Variants in IL1RAPL1 observed in about 807,000 individuals in gnomAD.
The protein encoded by IL1RAPL1 is interleukin-1 receptor accessory protein-like 1.
A neutral mutation model predicts 48.4 loss-of-function variants in IL1RAPL1; 3 were observed. The ratio of observed to expected loss-of-function variants is 0.06; its 90% CI spans 0.03 to 0.16. The LOEUF (loss-of-function observed/expected upper bound fraction) is 0.16, where lower values mean the gene tolerates loss of function less well. IL1RAPL1 is among the 10% of genes least tolerant of loss of function. IL1RAPL1 has a pLI of 1.00. For missense variants in IL1RAPL1, 349 were observed against 530.6 expected, an observed-to-expected ratio of 0.66 and a Z score of 3.36; for synonymous variants, 185 against 187.7, an observed-to-expected ratio of 0.99 and a Z score of 0.12.
In IL1RAPL1 at chrX:28,587,974, A is replaced by T. The variant is rs899302142; in HGVS notation, c.-98A>T. On this transcript the variant is annotated 5_prime_UTR_variant, in exon 1 of 11. Transcript: ENST00000378993. ...AGGAGTAAAACGTGGATTTTTCTGA[A>T]TACGCATTGTGATGACCAGCAATTA... 4.5e-5 allele frequency: 5 copies of T among 112,017 alleles called. No homozygotes were observed. Among genetic ancestry groups the T allele is most frequent in the Admixed American group, 3.8e-4 (4 of 10,521 alleles). The allele number at this position is 112,017 out of a possible 1,213,427, so 9.2% of individuals were successfully genotyped here.
At chrX:28,760,597 T>C (rs942536828) in intron 1 of IL1RAPL1, among the ~76,000 whole-genome samples, 1 of 111,818 alleles carries the variant, frequency 8.9e-6, no homozygotes, top group Non-Finnish European at 1.9e-5. Flanking sequence ...GAATAATGCT[T>C]ATAAATAAAA....
At chrX:28,991,950 C>G (rs1363820949) in intron 2 of IL1RAPL1, among the ~76,000 whole-genome samples, 1 of 111,510 alleles carries the variant, frequency 9.0e-6, no homozygotes, top group Non-Finnish European at 1.9e-5. Context: ...GACTTACTTT[C>G]GAGTTTGGTG....
Position 29,864,679 on chromosome X carries a change from C to T in IL1RAPL1, c.779-52785C>T, listed in dbSNP as rs148081542. The stretch of plus-strand genomic sequence containing the variant: ...ACCATTTTTGGAAGTTTCTTGATTG[C>T]CTGGCTCCTGATAGCCTAATTAGCT... On this transcript the variant is annotated intron_variant, in intron 6 of 10. Transcript: ENST00000378993. Among the ~76,000 whole-genome samples, 731 of 111,623 alleles carry T rather than the reference C, an allele frequency of 6.5e-3. 4 individuals are homozygous for T. Among genetic ancestry groups the T allele is most frequent in the African/African-American group, 0.022 (679 of 30,704 alleles).
At chrX:29,315,660 G>A (rs1033860605) in intron 3 of IL1RAPL1, among the ~76,000 whole-genome samples, 1 of 111,728 alleles carries the variant, frequency 9.0e-6, no homozygotes, top group African/African-American at 3.3e-5. Flanking sequence ...TAAGGTCCAC[G>A]TGCAAAATTC....
chrX:28,835,218 G>A (rs1454930406), intron 2 of IL1RAPL1, among the ~76,000 whole-genome samples: 1 of 111,748 alleles, frequency 8.9e-6, no homozygotes, highest in African/African-American at 3.2e-5. Context: ...CTTGCCCATT[G>A]CCATGGTCTG....
chrX:29,442,056 T>C (rs1934552847), intron 5 of IL1RAPL1, among the ~76,000 whole-genome samples: 1 of 111,929 alleles, frequency 8.9e-6, no homozygotes, highest in Non-Finnish European at 1.9e-5. Flanking sequence ...ATTAGTATAT[T>C]CACTACATTT....
intron 3 of IL1RAPL1, among the ~76,000 whole-genome samples, chrX:29,392,992 A>T (rs144170034): frequency 0.031 from 3,467 of 112,006 alleles, 120 homozygotes; most frequent in African/African-American, 0.11. Context: ...AATAAGATCT[A>T]ACGCTTACTG....
intron 3 of IL1RAPL1, among the ~76,000 whole-genome samples, chrX:29,349,671 C>A (rs1933196976): frequency 1.8e-5 from 2 of 111,103 alleles, no homozygotes; most frequent in African/African-American, 6.6e-5. Context: ...GTCTAAAGTT[C>A]TTTCCCTTTG....
intron 6 of IL1RAPL1, among the ~76,000 whole-genome samples, chrX:29,795,004 T>C (rs1014540263): frequency 1.8e-5 from 2 of 112,130 alleles, no homozygotes; most frequent in African/African-American, 6.5e-5. Context: ...CATAAAATTC[T>C]AACCACCTTA....
intron 5 of IL1RAPL1, among the ~76,000 whole-genome samples, chrX:29,522,380 C>T (rs747687013): frequency 5.4e-5 from 6 of 110,695 alleles, no homozygotes; most frequent in South Asian, 3.9e-4. Flanking sequence ...AGACTGGTCT[C>T]GAACTCCTGG....
chrX:28,678,581 T>C (rs970205523), intron 1 of IL1RAPL1, among the ~76,000 whole-genome samples: 3 of 111,635 alleles, frequency 2.7e-5, no homozygotes, highest in Non-Finnish European at 5.6e-5. Context: ...AAAGTCCCAA[T>C]AGACCATAGA....
chrX:29,005,961 T>C (rs777079717), intron 2 of IL1RAPL1, among the ~76,000 whole-genome samples: 1 of 112,046 alleles, frequency 8.9e-6, no homozygotes, highest in South Asian at 3.7e-4. Context: ...TAAACATATA[T>C]GTGCAAAAAG....
chrX:28,800,852 TTTATTTA>T (rs1936665465), intron 2 of IL1RAPL1, among the ~76,000 whole-genome samples: 1 of 44,422 alleles, frequency 2.3e-5, no homozygotes, highest in African/African-American at 1.5e-4. Flanking sequence ...AGGGATTTTA[TTTATTTA>T]TTTATTTATT....
chrX:29,099,152 C>CAAACAAAACA (rs60417699), intron 2 of IL1RAPL1, among the ~76,000 whole-genome samples: 1 of 109,548 alleles, frequency 9.1e-6, no homozygotes. Context: ...AACTGCGTCT[C>CAAACAAAACA]AAACAAAACA....
intron 2 of IL1RAPL1, among the ~76,000 whole-genome samples, chrX:28,988,012 CT>C (rs894727975): frequency 8.9e-6 from 1 of 111,934 alleles, no homozygotes; most frequent in Admixed American, 9.5e-5. Flanking sequence ...GCAAATGCCC[CT>C]GTTACTCAAA....
At chrX:29,474,564 G>A (rs760586322) in intron 5 of IL1RAPL1, among the ~76,000 whole-genome samples, 2 of 112,073 alleles carry the variant, frequency 1.8e-5, no homozygotes, top group South Asian at 7.6e-4. Flanking sequence ...TGCTGTACAA[G>A]CATGGCATCA....
intron 2 of IL1RAPL1, among the ~76,000 whole-genome samples, chrX:28,959,225 C>T (rs1229463033): frequency 9.0e-6 from 1 of 111,225 alleles, no homozygotes; most frequent in Non-Finnish European, 1.9e-5. Context: ...GCAGATCGTT[C>T]AGTACAAACT....
chrX:29,427,614 A>G (rs1934365921), intron 5 of IL1RAPL1, among the ~76,000 whole-genome samples: 1 of 111,472 alleles, frequency 9.0e-6, no homozygotes, highest in Non-Finnish European at 1.9e-5. Context: ...AGGACCAGTC[A>G]AGTCAGTTCC....
At chrX:29,182,847 G>A (rs1474981934) in intron 2 of IL1RAPL1, among the ~76,000 whole-genome samples, 1 of 111,403 alleles carries the variant, frequency 9.0e-6, no homozygotes, top group African/African-American at 3.3e-5. Flanking sequence ...GATTATCCAG[G>A]TGGACTCAGT....
Sources: allele counts gnomAD v4.1 joint callset (sites outside exome capture counted in the v4.1 genomes callset), GRCh38; gene constraint gnomAD v4.1.1; transcripts MANE v1.5; gene names NCBI Gene and HGNC (gene_info 2026-07-23, HGNC 2026-07-21).